The following AIG1 variants were observed in gnomAD, a reference collection of about 807,000 sequenced individuals.
The protein encoded by AIG1 is androgen-induced gene 1 protein.
Under a neutral mutation model 31.4 loss-of-function variants are expected in AIG1, and 23 were observed. That is an observed-to-expected ratio of 0.73 (90% CI 0.53 to 1.04). AIG1 has a LOEUF of 1.04. AIG1 is among the 50% of genes least tolerant of loss of function. The pLI is 0.00. For missense variants in AIG1, 274 were observed against 295.0 expected, an observed-to-expected ratio of 0.93 and a Z score of 0.52; for synonymous variants, 100 against 110.5, an observed-to-expected ratio of 0.90 and a Z score of 0.60.
intron 3 of AIG1, among the ~76,000 whole-genome samples, chr6:143,226,010 C>T (rs948456437): frequency 3.3e-5 from 5 of 152,090 alleles, no homozygotes; most frequent in Non-Finnish European, 5.9e-5. Flanking sequence ...AAAATTGCTC[C>T]AGATCTCTTT....
intron 3 of AIG1, among the ~76,000 whole-genome samples, chr6:143,209,688 G>A (rs1439505506): frequency 6.6e-6 from 1 of 152,142 alleles, no homozygotes; most frequent in Non-Finnish European, 1.5e-5. Context: ...TGAGACCCAT[G>A]TCAGACTCCT....
chr6:143,202,336 C>T (rs1790759401), intron 3 of AIG1, among the ~76,000 whole-genome samples: 1 of 152,056 alleles, frequency 6.6e-6, no homozygotes, highest in Admixed American at 6.6e-5. Flanking sequence ...CTAAAATCCT[C>T]AGGGACAGCT....
At chr6:143,259,209 A>G (rs1252215878) in intron 3 of AIG1, among the ~76,000 whole-genome samples, 1 of 152,192 alleles carries the variant, frequency 6.6e-6, no homozygotes, top group East Asian at 1.9e-4. Flanking sequence ...GAGCCAAATA[A>G]ACCTCTTTTC....
At chr6:143,070,866 A>G (rs892673999) in intron 1 of AIG1, among the ~76,000 whole-genome samples, 4 of 152,220 alleles carry the variant, frequency 2.6e-5, no homozygotes, top group African/African-American at 9.6e-5. Context: ...TGACCCTTTT[A>G]TATTTAATTG....
chr6:143,076,831 C>G (rs1424352108), intron 1 of AIG1, among the ~76,000 whole-genome samples: 1 of 151,994 alleles, frequency 6.6e-6, no homozygotes, highest in Non-Finnish European at 1.5e-5. Flanking sequence ...ACCACCACGC[C>G]CGGCTAATTT....
chr6:143,241,538 C>A (rs1262729391), intron 3 of AIG1, among the ~76,000 whole-genome samples: 1 of 152,104 alleles, frequency 6.6e-6, no homozygotes, highest in Non-Finnish European at 1.5e-5. Context: ...TCAAAAGCTT[C>A]ACTTTGTACT....
chr6:143,094,605 A>G (rs1779589149), intron 1 of AIG1, among the ~76,000 whole-genome samples: 1 of 152,220 alleles, frequency 6.6e-6, no homozygotes, highest in Non-Finnish European at 1.5e-5. Context: ...AGAATTGTAC[A>G]TACAAACATT....
In AIG1 at chr6:143,149,526, C is replaced by G. The variant is rs531314172; in HGVS notation, c.297+12536C>G. 3.5e-3 allele frequency among the ~76,000 whole-genome samples: 374 copies of G among 106,732 alleles called. 4 individuals carry two copies. The highest frequency in any genetic ancestry group is 0.014 in the African/African-American group (357 of 24,884). The allele number at this position is 106,732 out of a possible 152,430, so 70.0% of individuals were successfully genotyped here. On this transcript the variant is annotated intron_variant, in intron 2 of 5. Transcript: ENST00000357847. ...CTAGGCTGGGAGAGAGAGTGAGACT[C>G]TGTCTCAAAAAAAAAAAAAAAAAAA...
intron 2 of AIG1, among the ~76,000 whole-genome samples, chr6:143,155,787 G>A (rs975163183): frequency 2.0e-5 from 3 of 152,196 alleles, no homozygotes; most frequent in African/African-American, 7.2e-5. Flanking sequence ...AGGGTCCCTG[G>A]AAGAAACTGG....
chr6:143,154,055 A>G (rs912999309), intron 2 of AIG1, among the ~76,000 whole-genome samples: 1 of 151,904 alleles, frequency 6.6e-6, no homozygotes, highest in Non-Finnish European at 1.5e-5. Flanking sequence ...GTTCGTGACC[A>G]GACTGGAAAC....
intron 1 of AIG1, among the ~76,000 whole-genome samples, chr6:143,100,890 G>A (rs1401782671): frequency 1.3e-5 from 2 of 151,914 alleles, no homozygotes; most frequent in Non-Finnish European, 1.5e-5. Flanking sequence ...TCACCATGTT[G>A]GCCAGGCTGG....
At chr6:143,076,641 C>G (rs373127716) in intron 1 of AIG1, among the ~76,000 whole-genome samples, 101 of 151,050 alleles carry the variant, frequency 6.7e-4, no homozygotes, top group African/African-American at 2.3e-3. Flanking sequence ...GTTCCCCCAC[C>G]TCCATTTCCT....
chr6:143,125,424 A>G (rs1782610378), intron 1 of AIG1, among the ~76,000 whole-genome samples: 1 of 152,214 alleles, frequency 6.6e-6, no homozygotes, highest in Non-Finnish European at 1.5e-5. Context: ...GCAATCAATA[A>G]TTATTTGTTA....
intron 2 of AIG1, among the ~76,000 whole-genome samples, chr6:143,147,389 A>G (rs1483850922): frequency 3.9e-5 from 6 of 152,166 alleles, no homozygotes; most frequent in Admixed American, 3.9e-4. Context: ...ATGATGGGAG[A>G]GGAATTTTGT....
intron 3 of AIG1, among the ~76,000 whole-genome samples, chr6:143,270,986 C>T (rs1244646178): frequency 6.6e-6 from 1 of 152,208 alleles, no homozygotes; most frequent in Non-Finnish European, 1.5e-5. Flanking sequence ...AATATAATGC[C>T]ATTTGCAGGG....
intron 3 of AIG1, among the ~76,000 whole-genome samples, chr6:143,240,980 G>A (rs1794198506): frequency 6.6e-6 from 1 of 152,096 alleles, no homozygotes; most frequent in African/African-American, 2.4e-5. Flanking sequence ...CTTAGCTTGT[G>A]GAGAAGTTCT....
intron 1 of AIG1, among the ~76,000 whole-genome samples, chr6:143,109,552 A>AT (rs1294293862): frequency 3.3e-5 from 5 of 151,540 alleles, no homozygotes; most frequent in East Asian, 1.9e-4. Flanking sequence ...CTGATTTATT[A>AT]TTTTTTTTAA....
chr6:143,091,032 A>G (rs775669234), intron 1 of AIG1, among the ~76,000 whole-genome samples: 19 of 152,222 alleles, frequency 1.2e-4, no homozygotes, highest in Non-Finnish European at 2.5e-4. Flanking sequence ...TGTTCACAGT[A>G]TCTTCAACAG....
At chr6:143,147,880 A>G (rs1001295606) in intron 2 of AIG1, among the ~76,000 whole-genome samples, 1 of 152,194 alleles carries the variant, frequency 6.6e-6, no homozygotes, top group African/African-American at 2.4e-5. Context: ...TTTCACTTAC[A>G]TGCTTGCTGT....
Sources: gnomAD v4.1 joint callset for allele counts (sites outside exome capture counted in the v4.1 genomes callset) on GRCh38, gnomAD v4.1.1 for gene constraint, MANE v1.5 for transcripts, NCBI Gene and HGNC (gene_info 2026-07-23, HGNC 2026-07-21) for gene names.